Variants in TDRD12 observed in about 807,000 individuals in gnomAD.
The protein encoded by TDRD12 is tudor domain containing 12.
Under a neutral mutation model 133.5 loss-of-function variants are expected in TDRD12, and 158 were observed. The observed-to-expected ratio is 1.18, with a 90% confidence interval of 1.04 to 1.35. The LOEUF (loss-of-function observed/expected upper bound fraction) is 1.35, where lower values mean the gene tolerates loss of function less well. Ranked by LOEUF, TDRD12 falls within the 40% of genes most tolerant of loss-of-function variation. The pLI, the probability that TDRD12 is intolerant of heterozygous loss-of-function variation, is 0.00. For synonymous variants in TDRD12, 460 were observed against 477.9 expected, an observed-to-expected ratio of 0.96 and a Z score of 0.49; for missense variants, 1,443 against 1,321.3, an observed-to-expected ratio of 1.09 and a Z score of -1.43.
chr19:32,760,545 T>TA lies in TDRD12; in HGVS notation c.865+3416dup, dbSNP rs375546337. ...AATTTTTTTATTTGCAACCTCTTCTTACCCCAGGATGTCCCCTAGAGATAA... is the reference window on the plus strand; with the variant it reads ...AATTTTTTTATTTGCAACCTCTTCTTAACCCCAGGATGTCCCCTAGAGATAA... On this transcript the variant is annotated intron_variant, in intron 8 of 27. Coordinates refer to ENST00000444215, the Ensembl canonical transcript of TDRD12. 2.5e-3 allele frequency among the ~76,000 whole-genome samples: 378 copies of TA among 152,358 alleles called. 5 individuals are homozygous for TA. Among genetic ancestry groups the TA allele is most frequent in the African/African-American group, 8.7e-3 (362 of 41,588 alleles).
intron 8 of TDRD12, among the ~76,000 whole-genome samples, chr19:32,764,162 G>C (rs1222259780): frequency 7.3e-6 from 1 of 137,910 alleles, no homozygotes; most frequent in Non-Finnish European, 1.5e-5. Context: ...CCAGGCTGGA[G>C]TGCAGTGGCA....
intron 8 of TDRD12, among the ~76,000 whole-genome samples, chr19:32,772,092 C>CA (rs1205370399): frequency 6.6e-6 from 1 of 152,124 alleles, no homozygotes; most frequent in Non-Finnish European, 1.5e-5. Context: ...TCCAGGGCCT[C>CA]AGACAGGGAG....
chr19:32,754,042 G>A (rs545632905), intron 6 of TDRD12, among the ~76,000 whole-genome samples: 30 of 152,104 alleles, frequency 2.0e-4, no homozygotes, highest in Non-Finnish European at 3.8e-4. Context: ...TCTTCAGTGT[G>A]ATTATGTTAT....
rs191656038 is a variant in TDRD12, at chr19:32,720,977, G to A, written c.24+881G>A. ...GAATGCTCGATCACCCGGGCCAAGC[G>A]ACACTGGCGTCCCCAGGGCCCCGCT... On this transcript the variant is annotated intron_variant, in intron 1 of 27. Coordinates refer to ENST00000444215, the Ensembl canonical transcript of TDRD12. Among the ~76,000 whole-genome samples the A allele has an allele frequency of 2.8e-3, 423 of 151,960 alleles. 2 individuals are homozygous for A. Among genetic ancestry groups the A allele is most frequent in the African/African-American group, 9.9e-3 (411 of 41,468 alleles).
At chr19:32,742,319 C>T (rs1599844881) in intron 3 of TDRD12, among the ~76,000 whole-genome samples, 1 of 151,978 alleles carries the variant, frequency 6.6e-6, no homozygotes. Context: ...ACCACGCCCA[C>T]CTAATTTTTT....
At chr19:32,720,067 A>T in exon 1 of TDRD12, 1 of 1,548,432 alleles carries the variant, frequency 6.5e-7, no homozygotes, top group Middle Eastern at 1.7e-4. Context: ...CTCGGGCGCC[A>T]GGAGGATGCT....
intron 8 of TDRD12, among the ~76,000 whole-genome samples, chr19:32,769,963 G>C (rs114716597): frequency 6.3e-4 from 95 of 150,670 alleles, no homozygotes; most frequent in African/African-American, 2.3e-3. Flanking sequence ...ATATTTGGAC[G>C]TCTTTTCATC....
intron 14 of TDRD12, among the ~76,000 whole-genome samples, chr19:32,797,268 A>C (rs1284163907): frequency 6.6e-6 from 1 of 152,150 alleles, no homozygotes; most frequent in East Asian, 1.9e-4. Context: ...GGCGTGAGCC[A>C]CTACACCCAG....
intron 2 of TDRD12, among the ~76,000 whole-genome samples, chr19:32,735,806 C>T (rs1215108837): frequency 6.6e-6 from 1 of 151,928 alleles, no homozygotes; most frequent in African/African-American, 2.4e-5. Context: ...CCTGTCTCTA[C>T]TAAAAATACA....
At chr19:32,815,868 C>T (rs183951094) in intron 26 of TDRD12, among the ~76,000 whole-genome samples, 7 of 152,200 alleles carry the variant, frequency 4.6e-5, no homozygotes, top group Admixed American at 4.6e-4. Context: ...GCAGCACGTG[C>T]CTGTAATCCC....
At chr19:32,747,082 GTGAC>G (rs1969673623) in intron 4 of TDRD12, among the ~76,000 whole-genome samples, 1 of 151,476 alleles carries the variant, frequency 6.6e-6, no homozygotes, top group Non-Finnish European at 1.5e-5. Flanking sequence ...GAGAGGGAGA[GTGAC>G]TGGCTGATGG....
intron 8 of TDRD12, among the ~76,000 whole-genome samples, chr19:32,769,471 G>C (rs939703103): frequency 6.6e-6 from 1 of 152,166 alleles, no homozygotes; most frequent in Non-Finnish European, 1.5e-5. Context: ...AGTCTCATGG[G>C]AATCTAGGAG....
intron 6 of TDRD12, among the ~76,000 whole-genome samples, chr19:32,753,877 C>T (rs989302289): frequency 5.3e-5 from 8 of 152,136 alleles, no homozygotes; most frequent in Middle Eastern, 3.4e-3. Flanking sequence ...TGGCCGCAGT[C>T]TACGTATTTG....
intron 4 of TDRD12, among the ~76,000 whole-genome samples, chr19:32,746,422 G>T (rs1969630731): frequency 8.8e-4 from 2 of 2,264 alleles, no homozygotes; most frequent in Non-Finnish European, 1.9e-3. Context: ...GGCTGATGTG[G>T]TTATTCTGTG....
intron 19 of TDRD12, among the ~76,000 whole-genome samples, chr19:32,802,108 T>TTA (rs1971405547): frequency 6.7e-6 from 1 of 148,506 alleles, no homozygotes; most frequent in Non-Finnish European, 1.5e-5. Context: ...CTCCCTAGAG[T>TTA]TATAGCTTGA....
At chr19:32,823,924 CG>C (rs1202954256), downstream of TDRD12, among the ~76,000 whole-genome samples, 3 of 152,158 alleles carry the variant, frequency 2.0e-5, no homozygotes, top group East Asian at 5.8e-4. Flanking sequence ...GTGGGGCCCT[CG>C]GGGGACGTCA....
chr19:32,828,683 T>C (rs1967664788), exon 10 of TDRD12: 1 of 152,204 alleles, frequency 6.6e-6, no homozygotes, highest in South Asian at 2.1e-4. Flanking sequence ...CCGCTTGAAC[T>C]AGAGGTGAAC....
chr19:32,795,031 G>A (rs1296228404), intron 14 of TDRD12, among the ~76,000 whole-genome samples: 1 of 152,048 alleles, frequency 6.6e-6, no homozygotes, highest in African/African-American at 2.4e-5. Flanking sequence ...CATTGGCTGA[G>A]GCTTTTAGAA....
At chr19:32,721,322 A>T (rs908027195) in intron 1 of TDRD12, among the ~76,000 whole-genome samples, 3 of 152,078 alleles carry the variant, frequency 2.0e-5, no homozygotes, top group African/African-American at 7.2e-5. Context: ...TGAAAATCAC[A>T]CTTCAGTGGG....
Sources: gnomAD v4.1 joint callset for allele counts (sites outside exome capture counted in the v4.1 genomes callset) on GRCh38, gnomAD v4.1.1 for gene constraint, MANE v1.5 for transcripts, NCBI Gene and HGNC (gene_info 2026-07-23, HGNC 2026-07-21) for gene names.